The following SLC38A9 variants were observed in gnomAD, a reference collection of about 807,000 sequenced individuals.
The protein encoded by SLC38A9 is solute carrier family 38 member 9.
Under a neutral mutation model 62.3 loss-of-function variants are expected in SLC38A9, and 48 were observed. That is an observed-to-expected ratio of 0.77 (90% CI 0.61 to 0.98). The LOEUF (loss-of-function observed/expected upper bound fraction) is 0.98, where lower values mean the gene tolerates loss of function less well. SLC38A9 is among the 50% of genes least tolerant of loss of function. The probability of loss-of-function intolerance (pLI) is 0.00; values close to 1 mark genes in which losing one functional copy is unlikely to be tolerated. For synonymous variants in SLC38A9, 204 were observed against 227.7 expected, an observed-to-expected ratio of 0.90 and a Z score of 0.94; for missense variants, 541 against 679.8, an observed-to-expected ratio of 0.80 and a Z score of 2.27.
In SLC38A9 at chr5:55,657,213, G is replaced by T. The variant is rs571942036; in HGVS notation, c.698-439C>A. ...CAAAGACTACTTCACTGTTAACATA[G>T]CTTCACCTTCTATAGTTTTCTTCAC... On this transcript the variant is annotated intron_variant, in intron 8 of 15. Transcript: ENST00000396865. Among the ~76,000 whole-genome samples, 24 of 152,164 alleles carry T rather than the reference G, an allele frequency of 1.6e-4. No homozygotes were observed. In the South Asian group the frequency reaches 2.3e-3, roughly 14 times the overall value.
At chr5:55,642,286 C>T (rs1018863000) in intron 12 of SLC38A9, among the ~76,000 whole-genome samples, 6 of 152,218 alleles carry the variant, frequency 3.9e-5, no homozygotes, top group Non-Finnish European at 7.3e-5. Flanking sequence ...ACCTTGTGAT[C>T]CGCCCGCCTC....
chr5:55,627,129 G>A (rs963031954), intron 15 of SLC38A9, among the ~76,000 whole-genome samples: 2 of 152,136 alleles, frequency 1.3e-5, no homozygotes, highest in Non-Finnish European at 2.9e-5. Context: ...GACTGTGACA[G>A]AGAAATATGC....
chr5:55,677,972 G>T lies in SLC38A9; in HGVS notation c.114-5277C>A, dbSNP rs1423521739. ...TGTGTGTGTGTGTGTGTAGTGTGTT[G>T]GGAGGGAGGGTAGTGGCTGGAACAA... On this transcript the variant is annotated intron_variant, in intron 3 of 15. Coordinates refer to ENST00000396865, the MANE Select transcript of SLC38A9 (RefSeq NM_173514.4). Among the ~76,000 whole-genome samples, 6 of 141,112 alleles carry T rather than the reference G, an allele frequency of 4.3e-5. No individual in the cohort carries two copies. In the Admixed American group the frequency reaches 4.3e-4, roughly 10 times the overall value. The allele number at this position is 141,112 out of a possible 152,430, so 92.6% of individuals were successfully genotyped here.
chr5:55,691,737 T>G (rs1754773760), intron 3 of SLC38A9, among the ~76,000 whole-genome samples: 1 of 152,152 alleles, frequency 6.6e-6, no homozygotes. Context: ...CTTCTAAACC[T>G]TTCTGTCCCT....
intron 9 of SLC38A9, among the ~76,000 whole-genome samples, chr5:55,656,494 C>G (rs1748444126): frequency 6.6e-6 from 1 of 151,988 alleles, no homozygotes; most frequent in African/African-American, 2.4e-5. Flanking sequence ...CTAAATGTTG[C>G]CTAGCTCACA....
rs758360471 is a variant in SLC38A9, at chr5:55,672,668, G to T, written c.141C>A (p.Ile47=). 4 of 1,614,040 alleles carry T rather than the reference G, an allele frequency of 2.5e-6. No individual in the cohort carries two copies. The South Asian group carries it at 4.4e-5, about 18-fold the overall frequency. ...TCTGAATGACATGATTCACATTCACGATGTTTGTGGGCTCTATACAGAAAG... is the reference window on the plus strand; with the variant it reads ...TCTGAATGACATGATTCACATTCACTATGTTTGTGGGCTCTATACAGAAAG... ...KRPFCIEPTN[I]VNVNHVIQRV... The change falls in exon 4 of 16, where the codon ATC becomes ATA. Residue 47 remains isoleucine (I), a synonymous_variant. Coordinates refer to ENST00000396865, the MANE Select transcript of SLC38A9 (RefSeq NM_173514.4).
chr5:55,641,040 A>C lies in SLC38A9; in HGVS notation c.1167+4749T>G, dbSNP rs1580117455. On this transcript the variant is annotated intron_variant, in intron 12 of 15. Transcript: ENST00000396865. ...TTTTTAGTAGAGATGGGGTTTCTCC[A>C]TGTTGGTCAGGCTGGTCTCGAACTC... Among the ~76,000 whole-genome samples, 3 of 152,048 alleles carry C rather than the reference A, an allele frequency of 2.0e-5. No homozygotes were observed. In the East Asian group the frequency reaches 5.8e-4, roughly 29 times the overall value.
chr5:55,674,048 A>C (rs562057803), intron 3 of SLC38A9, among the ~76,000 whole-genome samples: 2 of 152,324 alleles, frequency 1.3e-5, no homozygotes, highest in East Asian at 3.9e-4. Context: ...TGAAAAGCCA[A>C]GTGACTGAAC....
intron 3 of SLC38A9, among the ~76,000 whole-genome samples, chr5:55,682,363 T>C (rs1256398496): frequency 6.6e-6 from 1 of 152,214 alleles, no homozygotes; most frequent in Non-Finnish European, 1.5e-5. Flanking sequence ...ATATTACATA[T>C]GGCCTCATTC....
intron 9 of SLC38A9, 86 bp from the exon 10 acceptor site, chr5:55,652,809 A>G: frequency 2.7e-6 from 3 of 1,106,932 alleles, no homozygotes; most frequent in Non-Finnish European, 3.8e-6. Flanking sequence ...GCCTCTAGAG[A>G]CAGACACTTG....
chr5:55,687,327 T>C (rs1448268943), intron 3 of SLC38A9, among the ~76,000 whole-genome samples: 1 of 142,834 alleles, frequency 7.0e-6, no homozygotes, highest in Non-Finnish European at 1.5e-5. Flanking sequence ...CTCGGGAGGC[T>C]GAGGCAGGAG....
intron 12 of SLC38A9, among the ~76,000 whole-genome samples, chr5:55,642,235 C>T (rs1010257021): frequency 5.3e-5 from 8 of 152,144 alleles, no homozygotes; most frequent in African/African-American, 9.7e-5. Flanking sequence ...TTAGTAGAGA[C>T]GGGGTTTCAC....
At chr5:55,664,511 A>G (rs1750132459) in intron 8 of SLC38A9, 182 bp downstream of exon 8, 2 of 339,920 alleles carry the variant, frequency 5.9e-6, no homozygotes, top group East Asian at 4.5e-5. Flanking sequence ...GGAAATAAGC[A>G]TACACTATAT....
chr5:55,691,094 G>C (rs945185307), intron 3 of SLC38A9: 2 of 690,348 alleles, frequency 2.9e-6, no homozygotes, highest in African/African-American at 3.5e-5. Flanking sequence ...AAGGGCAGTA[G>C]GAATGCTGCC....
At chr5:55,647,871 T>C (rs1050934472) in intron 11 of SLC38A9, among the ~76,000 whole-genome samples, 7 of 152,244 alleles carry the variant, frequency 4.6e-5, no homozygotes, top group Non-Finnish European at 1.0e-4. Flanking sequence ...GAATAGCATA[T>C]TCACAGAGTT....
intron 14 of SLC38A9, among the ~76,000 whole-genome samples, chr5:55,629,140 C>T (rs73119727): frequency 2.6e-5 from 4 of 152,012 alleles, no homozygotes; most frequent in Non-Finnish European, 4.4e-5. Flanking sequence ...GCATTATAAA[C>T]GGAAACAACT....
intron 3 of SLC38A9, among the ~76,000 whole-genome samples, chr5:55,679,336 C>T (rs1216327025): frequency 6.6e-6 from 1 of 151,742 alleles, no homozygotes. Context: ...TTTAGAATTC[C>T]AAACTGTTAC....
intron 2 of SLC38A9, among the ~76,000 whole-genome samples, chr5:55,710,336 G>A (rs1757854487): frequency 6.6e-6 from 1 of 151,464 alleles, no homozygotes; most frequent in South Asian, 2.1e-4. Flanking sequence ...CCAAGTAGCT[G>A]GGATTACAGA....
intron 2 of SLC38A9, among the ~76,000 whole-genome samples, chr5:55,705,063 A>G (rs1382437048): frequency 6.6e-6 from 1 of 152,220 alleles, no homozygotes; most frequent in Non-Finnish European, 1.5e-5. Context: ...ACAAGAAGAA[A>G]CTTTTTTTAA....
Sources: allele counts gnomAD v4.1 joint callset (sites outside exome capture counted in the v4.1 genomes callset), GRCh38; gene constraint gnomAD v4.1.1; transcripts MANE v1.5; gene names NCBI Gene and HGNC (gene_info 2026-07-23, HGNC 2026-07-21).